PDSS2: variants seen among roughly 807,000 people sequenced by gnomAD.
PDSS2 encodes decaprenyl diphosphate synthase subunit 2.
In PDSS2, 31 loss-of-function variants were observed where a neutral mutation model predicts 44.5. That is an observed-to-expected ratio of 0.70 (90% CI 0.52 to 0.94). PDSS2 has a LOEUF of 0.94. Ranked by LOEUF, PDSS2 falls within the 40% of genes least tolerant of loss-of-function variation. PDSS2 has a pLI of 0.00. For missense variants in PDSS2, 452 were observed against 482.2 expected (o/e 0.94, Z 0.59); for synonymous variants, 157 against 180.3 (o/e 0.87, Z 1.03).
At chr6:107,186,913 A>G (rs949429751) in intron 7 of PDSS2, among the ~76,000 whole-genome samples, 3 of 152,206 alleles carry the variant, frequency 2.0e-5, no homozygotes, top group Non-Finnish European at 2.9e-5. Flanking sequence ...GAATTTCACA[A>G]TAGTCTCCTG....
At chr6:107,410,485 T>C (rs563949935) in intron 1 of PDSS2, among the ~76,000 whole-genome samples, 5 of 151,914 alleles carry the variant, frequency 3.3e-5, no homozygotes, top group African/African-American at 1.2e-4. Flanking sequence ...TTTTTGTTTG[T>C]TTGTTTGTTT....
At position 107,173,572 on chromosome 6, in the gene PDSS2, C is replaced by CAAAAAAAAAAAAAAAAAAAA. The variant is rs71012783; in HGVS notation, c.1042-18815_1042-18796dup. On this transcript the variant is annotated intron_variant, in intron 7 of 7. Transcript: ENST00000369037. ...CTGGTGATGGAATGAGACTCTGTCT[C>CAAAAAAAAAAAAAAAAAAAA]AAAAAAAAAAAAAAAAAAAAAAAAA... is the stretch of plus-strand genomic sequence containing the variant. 9.6e-5 allele frequency among the ~76,000 whole-genome samples: 4 copies of CAAAAAAAAAAAAAAAAAAAA among 41,512 alleles called. 1 individual carries two copies. Among genetic ancestry groups the CAAAAAAAAAAAAAAAAAAAA allele is most frequent in the African/African-American group, 5.0e-4 (4 of 7,974 alleles). The allele number at this position is 41,512 out of a possible 152,430, so 27.2% of individuals were successfully genotyped here.
chr6:107,244,025 G>T (rs1197935727), intron 4 of PDSS2, among the ~76,000 whole-genome samples: 1 of 152,198 alleles, frequency 6.6e-6, no homozygotes, highest in Non-Finnish European at 1.5e-5. Context: ...CTACTTGGGA[G>T]GCCGAGGCAG....
At chr6:107,305,363 C>T (rs879241500) in intron 2 of PDSS2, among the ~76,000 whole-genome samples, 1 of 152,092 alleles carries the variant, frequency 6.6e-6, no homozygotes. Context: ...TACCATGCCT[C>T]CTCACATCAG....
chr6:107,326,519 C>G (rs1777552110), intron 2 of PDSS2, among the ~76,000 whole-genome samples: 1 of 152,082 alleles, frequency 6.6e-6, no homozygotes. Flanking sequence ...TATTCGCCAA[C>G]TCACCTGCCA....
chr6:107,457,891 T>C (rs1782096466), intron 1 of PDSS2, among the ~76,000 whole-genome samples: 2 of 152,124 alleles, frequency 1.3e-5, no homozygotes. Context: ...ACGTAGGAGA[T>C]TACTGCTATG....
At chr6:107,335,472 C>T (rs991786265) in intron 1 of PDSS2, among the ~76,000 whole-genome samples, 17 of 152,114 alleles carry the variant, frequency 1.1e-4, no homozygotes, top group African/African-American at 1.9e-4. Context: ...ATTCAAAAGA[C>T]GCAGAAATTT....
chr6:107,444,802 T>TA (rs955511539), intron 1 of PDSS2, among the ~76,000 whole-genome samples: 1 of 152,124 alleles, frequency 6.6e-6, no homozygotes, highest in Non-Finnish European at 1.5e-5. Context: ...CTCAGGAACA[T>TA]AAAGTCCCTA....
chr6:107,276,893 T>C (rs1775802708), intron 2 of PDSS2, among the ~76,000 whole-genome samples: 1 of 152,132 alleles, frequency 6.6e-6, no homozygotes, highest in Non-Finnish European at 1.5e-5. Context: ...GGTCCAGCTG[T>C]CCCAGTCAAG....
intron 3 of PDSS2, among the ~76,000 whole-genome samples, chr6:107,272,287 T>C (rs2114935019): frequency 6.6e-6 from 1 of 152,296 alleles, no homozygotes; most frequent in Non-Finnish European, 1.5e-5. Context: ...GGATAAATGC[T>C]AAATCAGATG....
chr6:107,441,639 T>C (rs896130256), intron 1 of PDSS2, among the ~76,000 whole-genome samples: 2 of 152,194 alleles, frequency 1.3e-5, no homozygotes, highest in African/African-American at 4.8e-5. Flanking sequence ...TTTCCTCATT[T>C]AAGGTGGGAA....
intron 1 of PDSS2, among the ~76,000 whole-genome samples, chr6:107,422,966 GA>G (rs1198828919): frequency 6.6e-6 from 1 of 151,768 alleles, no homozygotes; most frequent in Non-Finnish European, 1.5e-5. Context: ...TACTTCCATA[GA>G]AAAAATAAAA....
intron 4 of PDSS2, among the ~76,000 whole-genome samples, chr6:107,217,192 A>G (rs1372272447): frequency 6.6e-6 from 1 of 152,200 alleles, no homozygotes; most frequent in Non-Finnish European, 1.5e-5. Context: ...TAGGCTAACA[A>G]TGCTCAATGT....
In PDSS2 at chr6:107,154,661, A is replaced by C; in HGVS notation, c.1158T>G (p.Ser386=). ...CAGCAAACACAATGTTTTCTAAAGC[A>C]GATCTGGCCTCCGAGGGAGGAAAGC... ...LESFPPSEAR[S]ALENIVFAVT... Residue 386 remains serine, a synonymous_variant, in exon 8 of 8, where the codon TCT becomes TCG. Coordinates refer to ENST00000369037, the MANE Select transcript of PDSS2 (RefSeq NM_020381.4). The C allele has an allele frequency of 2.5e-6, 4 of 1,614,230 alleles. No individual in the cohort carries two copies. Among genetic ancestry groups the C allele is most frequent in the South Asian group, 1.1e-5 (1 of 91,088 alleles).
At chr6:107,185,928 A>G (rs1772149625) in intron 7 of PDSS2, among the ~76,000 whole-genome samples, 1 of 152,232 alleles carries the variant, frequency 6.6e-6, no homozygotes, top group Non-Finnish European at 1.5e-5. Flanking sequence ...CACTGGAGCA[A>G]AAGTGTTAGC....
At chr6:107,321,908 C>T (rs991198095) in intron 2 of PDSS2, among the ~76,000 whole-genome samples, 1 of 152,182 alleles carries the variant, frequency 6.6e-6, no homozygotes, top group Admixed American at 6.5e-5. Flanking sequence ...CTTTTCTGCT[C>T]TTTCATTGCA....
intron 3 of PDSS2, chr6:107,264,563 C>A: frequency 9.0e-7 from 1 of 1,107,902 alleles, no homozygotes; most frequent in South Asian, 1.4e-5. Flanking sequence ...AAATACTAGG[C>A]TTATCATTAT....
chr6:107,232,947 A>G (rs1774100286), intron 4 of PDSS2, among the ~76,000 whole-genome samples: 1 of 151,608 alleles, frequency 6.6e-6, no homozygotes. Context: ...TCAGCCTCCC[A>G]AGGAGCCACA....
At chr6:107,278,070 T>A (rs538415788) in intron 2 of PDSS2, among the ~76,000 whole-genome samples, 2 of 151,860 alleles carry the variant, frequency 1.3e-5, no homozygotes, top group Non-Finnish European at 2.9e-5. Context: ...TCTATAATAA[T>A]CACATAAAGA....
Sources: allele counts gnomAD v4.1 joint callset (sites outside exome capture counted in the v4.1 genomes callset), GRCh38; gene constraint gnomAD v4.1.1; transcripts MANE v1.5; gene names NCBI Gene and HGNC (gene_info 2026-07-23, HGNC 2026-07-21).